KCNJ3: variants seen among roughly 807,000 people sequenced by gnomAD.
KCNJ3 encodes G protein-activated inward rectifier potassium channel 1.
In KCNJ3, 4 loss-of-function variants were observed where a neutral mutation model predicts 39.2. The ratio of observed to expected loss-of-function variants is 0.10; its 90% CI spans 0.05 to 0.23. The LOEUF (loss-of-function observed/expected upper bound fraction) is 0.23, where lower values mean the gene tolerates loss of function less well. KCNJ3 is among the 10% of genes least tolerant of loss of function. The pLI, the probability that KCNJ3 is intolerant of heterozygous loss-of-function variation, is 1.00. For missense variants in KCNJ3, 276 were observed against 634.9 expected (o/e 0.43, Z 6.08); for synonymous variants, 230 against 237.4 (o/e 0.97, Z 0.29).
chr2:154,709,831 C>T lies in KCNJ3; in HGVS notation c.919+12C>T. Reference sequence around the variant, plus strand: ...TGTGGAAACAACTGGTGAGTAAAAACAGATATGCCATAAAGTTTCTTTATA... The same window carrying T: ...TGTGGAAACAACTGGTGAGTAAAAATAGATATGCCATAAAGTTTCTTTATA... On this transcript the variant is annotated intron_variant, in intron 2 of 2. Transcript: ENST00000295101. The T allele has an allele frequency of 6.2e-7, 1 of 1,612,840 alleles. No homozygotes were observed. The highest frequency in any genetic ancestry group is 1.3e-5 in the African/African-American group (1 of 74,976).
chr2:154,780,070 G>A (rs745321059), intron 2 of KCNJ3, among the ~76,000 whole-genome samples: 11 of 152,150 alleles, frequency 7.2e-5, no homozygotes, highest in Non-Finnish European at 1.5e-4. Flanking sequence ...TACAGAGAAT[G>A]AAATGTACTA....
intron 1 of KCNJ3, chr2:154,709,252 C>A: frequency 4.3e-6 from 1 of 235,092 alleles, no homozygotes; most frequent in Non-Finnish European, 8.4e-6. Context: ...AAATATCTGG[C>A]ATGCAATGAG....
intron 2 of KCNJ3, among the ~76,000 whole-genome samples, chr2:154,747,862 G>A (rs2105179413): frequency 6.6e-6 from 1 of 152,078 alleles, no homozygotes; most frequent in East Asian, 1.9e-4. Flanking sequence ...AAATAAGGTG[G>A]AAGATTCCAG....
chr2:154,786,400 T>A (rs548850645), intron 2 of KCNJ3, among the ~76,000 whole-genome samples: 2 of 152,294 alleles, frequency 1.3e-5, no homozygotes, highest in South Asian at 4.1e-4. Context: ...TATAAACATT[T>A]CATTCATTTC....
At chr2:154,718,503 T>A (rs1017130811) in intron 2 of KCNJ3, among the ~76,000 whole-genome samples, 11 of 152,278 alleles carry the variant, frequency 7.2e-5, no homozygotes, top group Middle Eastern at 3.4e-3. Context: ...GAAAGTCCTG[T>A]GCAAACTGGG....
chr2:154,836,187 G>C (rs1383556452), intron 2 of KCNJ3, among the ~76,000 whole-genome samples: 1 of 147,480 alleles, frequency 6.8e-6, no homozygotes, highest in East Asian at 2.0e-4. Flanking sequence ...CCCAGCCTAG[G>C]TGACAGAGCA....
chr2:154,726,489 G>C (rs1445134534), intron 2 of KCNJ3, among the ~76,000 whole-genome samples: 1 of 151,990 alleles, frequency 6.6e-6, no homozygotes, highest in Non-Finnish European at 1.5e-5. Flanking sequence ...TGGTGAAAAA[G>C]GAACACTTTT....
chr2:154,852,984 C>T (rs756259549), intron 2 of KCNJ3, among the ~76,000 whole-genome samples: 7 of 151,442 alleles, frequency 4.6e-5, no homozygotes, highest in African/African-American at 7.3e-5. Flanking sequence ...TAAAAAAAAA[C>T]CCACGCATAG....
At chr2:154,720,487 A>G (rs1685249518) in intron 2 of KCNJ3, among the ~76,000 whole-genome samples, 1 of 152,020 alleles carries the variant, frequency 6.6e-6, no homozygotes, top group Non-Finnish European at 1.5e-5. Flanking sequence ...ACTCTAAATT[A>G]ATTTTTAATA....
At chr2:154,810,591 G>T (rs916330484) in intron 2 of KCNJ3, among the ~76,000 whole-genome samples, 2 of 151,908 alleles carry the variant, frequency 1.3e-5, no homozygotes, top group East Asian at 1.9e-4. Flanking sequence ...AATAAATTTG[G>T]CATTTAACTG....
intron 2 of KCNJ3, among the ~76,000 whole-genome samples, chr2:154,726,833 A>C (rs200604972): frequency 2.1e-5 from 2 of 96,178 alleles, no homozygotes; most frequent in African/African-American, 5.7e-5. Context: ...ACACACACAC[A>C]CATACACCAT....
chr2:154,703,949 C>T (rs986040541), intron 1 of KCNJ3, among the ~76,000 whole-genome samples: 2 of 151,980 alleles, frequency 1.3e-5, no homozygotes, highest in African/African-American at 4.8e-5. Flanking sequence ...AGCTGAGTAC[C>T]TCAGAATGCT....
At chr2:154,731,524 G>C (rs12477336) in intron 2 of KCNJ3, among the ~76,000 whole-genome samples, 32,720 of 151,744 alleles carry the variant, frequency 0.22, 4,537 homozygotes, top group Non-Finnish European at 0.3. Context: ...TATTTGAGTT[G>C]AAATGTACAA....
intron 2 of KCNJ3, among the ~76,000 whole-genome samples, chr2:154,833,184 T>C (rs1267817097): frequency 1.3e-5 from 2 of 152,204 alleles, no homozygotes; most frequent in Non-Finnish European, 2.9e-5. Context: ...AGGTCCTTTA[T>C]GGCATAGTGA....
chr2:154,777,898 A>T (rs772792476), intron 2 of KCNJ3, among the ~76,000 whole-genome samples: 2 of 152,198 alleles, frequency 1.3e-5, no homozygotes, highest in Non-Finnish European at 2.9e-5. Context: ...ATGAACACAT[A>T]TATGGAGCTT....
chr2:154,854,021 C>A (rs1019099811), intron 2 of KCNJ3, among the ~76,000 whole-genome samples: 9 of 152,112 alleles, frequency 5.9e-5, no homozygotes, highest in African/African-American at 2.2e-4. Flanking sequence ...ATAGAACCAG[C>A]ACAATGACTT....
At chr2:154,736,430 A>G (rs1574440934) in intron 2 of KCNJ3, among the ~76,000 whole-genome samples, 1 of 147,986 alleles carries the variant, frequency 6.8e-6, no homozygotes, top group African/African-American at 2.5e-5. Context: ...ACAAAAACAA[A>G]CCTGACACTG....
chr2:154,720,603 T>C (rs577214572), intron 2 of KCNJ3, among the ~76,000 whole-genome samples: 34 of 152,192 alleles, frequency 2.2e-4, no homozygotes, highest in Non-Finnish European at 2.9e-5. Context: ...TATTCACATG[T>C]AGTACCGACT....
chr2:154,833,557 G>T (rs949229776), intron 2 of KCNJ3, among the ~76,000 whole-genome samples: 1 of 152,034 alleles, frequency 6.6e-6, no homozygotes, highest in Admixed American at 6.6e-5. Flanking sequence ...ATTCAGCCAA[G>T]TTCATAGTTT....
Sources: gnomAD v4.1 joint callset for allele counts (sites outside exome capture counted in the v4.1 genomes callset) on GRCh38, gnomAD v4.1.1 for gene constraint, MANE v1.5 for transcripts, NCBI Gene and HGNC (gene_info 2026-07-23, HGNC 2026-07-21) for gene names.